The following NMNAT1 variants were observed in gnomAD, a reference collection of about 807,000 sequenced individuals.
NMNAT1 encodes nicotinamide nucleotide adenylyltransferase 1, also known as nicotinamide/nicotinic acid mononucleotide adenylyltransferase 1.
In NMNAT1, 11 loss-of-function variants were observed where a neutral mutation model predicts 16.7. The observed-to-expected ratio is 0.66, with a 90% CI of 0.41 to 1.09. The LOEUF (loss-of-function observed/expected upper bound fraction) is 1.09. Ranked by LOEUF, NMNAT1 falls within the 50% of genes least tolerant of loss-of-function variation. The pLI is 0.00. For missense variants in NMNAT1, 280 were observed against 332.3 expected, an observed-to-expected ratio of 0.84 and a Z score of 1.22; for synonymous variants, 110 against 119.8, an observed-to-expected ratio of 0.92 and a Z score of 0.53.
rs186148333 is a variant in NMNAT1, at chr1:9,956,928, C to T, written c.-57+13413C>T. Among the ~76,000 whole-genome samples the T allele has an allele frequency of 2.0e-5, 3 of 151,982 alleles. No homozygotes were observed. The East Asian group carries it at 5.8e-4, about 29-fold the overall frequency. On this transcript the variant is annotated intron_variant, in intron 1 of 4. Coordinates refer to ENST00000377205, the MANE Select transcript of NMNAT1 (RefSeq NM_022787.4). ...TGTATTTTTAGTTGAGATGGGGTTTCACCATGTTGGTCATGCTGGTCTCAA... is the reference window on the plus strand; with the variant it reads ...TGTATTTTTAGTTGAGATGGGGTTTTACCATGTTGGTCATGCTGGTCTCAA...
intron 1 of NMNAT1, among the ~76,000 whole-genome samples, chr1:9,959,679 C>T (rs1343231861): frequency 1.3e-5 from 2 of 151,878 alleles, no homozygotes; most frequent in African/African-American, 4.8e-5. Flanking sequence ...GACTCTGTCC[C>T]CCCACCAAAA....
At chr1:9,970,224 C>T (rs936867146) in intron 1 of NMNAT1, among the ~76,000 whole-genome samples, 1 of 151,844 alleles carries the variant, frequency 6.6e-6, no homozygotes, top group Non-Finnish European at 1.5e-5. Flanking sequence ...TAAGAAATGG[C>T]ATTATAAGCA....
At chr1:9,970,351 G>C (rs1641659072) in intron 1 of NMNAT1, among the ~76,000 whole-genome samples, 1 of 152,000 alleles carries the variant, frequency 6.6e-6, no homozygotes, top group Admixed American at 6.6e-5. Flanking sequence ...TTCATTAAGG[G>C]CCTTTTTTAC....
rs1297270653 is a variant in NMNAT1 at position 9,982,757 on chromosome 1, G to A, written c.*56G>A. The A allele has an allele frequency of 6.6e-7, 1 of 1,504,444 alleles. No homozygotes were observed. Among genetic ancestry groups the A allele is most frequent in the Non-Finnish European group, 8.9e-7 (1 of 1,118,502 alleles). The allele number at this position is 1,504,444 out of a possible 1,614,324, so 93.2% of individuals were successfully genotyped here. A position where few individuals can be genotyped will look rare whatever the true frequency, so the allele number is the denominator to read the frequency against. On this transcript the variant is annotated 3_prime_UTR_variant, in exon 5 of 5. Transcript: ENST00000377205. ...CATTTGGGGATCTGAAACAATCTGG[G>A]AGTTAATAACTGGGGAAAGAAGTTG...
chr1:9,991,001 A>G, the NMNAT1 span, among the ~76,000 whole-genome samples: 1 of 152,170 alleles, frequency 6.6e-6, no homozygotes, highest in Non-Finnish European at 1.5e-5. Context: ...CTGAAATTAA[A>G]TCCTGTCCAT....
In NMNAT1 at chr1:9,972,318, A is replaced by G; in HGVS notation, c.115+130A>G. 7 of 631,962 alleles carry G rather than the reference A, an allele frequency of 1.1e-5. No homozygotes were observed. The East Asian group carries it at 1.6e-4, about 14-fold the overall frequency. The allele number at this position is 631,962 out of a possible 1,614,324, so 39.1% of individuals were successfully genotyped here. On this transcript the variant is annotated intron_variant, in intron 2 of 4. Coordinates refer to ENST00000377205, the MANE Select transcript of NMNAT1 (RefSeq NM_022787.4). ...AAGGTCAAGAGATCGAGACCATCCT[A>G]GCCAACATGGTAAAACCCTGTCTCT... is the stretch of plus-strand genomic sequence containing the variant.
chr1:9,956,834 C>T (rs1030460130), intron 1 of NMNAT1, among the ~76,000 whole-genome samples: 3 of 150,580 alleles, frequency 2.0e-5, no homozygotes, highest in Non-Finnish European at 2.9e-5. Context: ...GAGGTTCAAG[C>T]GATTCTCCTG....
intron 3 of NMNAT1, among the ~76,000 whole-genome samples, chr1:9,979,895 C>T (rs966023553): frequency 2.0e-5 from 3 of 151,726 alleles, no homozygotes; most frequent in Non-Finnish European, 2.9e-5. Context: ...CCTTCCCTTA[C>T]GGAGATAATA....
chr1:9,963,678 A>T (rs1641477577), intron 1 of NMNAT1, among the ~76,000 whole-genome samples: 1 of 152,038 alleles, frequency 6.6e-6, no homozygotes, highest in Non-Finnish European at 1.5e-5. Context: ...AAGTGCTGGG[A>T]TTACAGGCGT....
At chr1:9,976,027 C>G (rs1015234692) in intron 3 of NMNAT1, among the ~76,000 whole-genome samples, 3 of 152,130 alleles carry the variant, frequency 2.0e-5, no homozygotes, top group Non-Finnish European at 2.9e-5. Context: ...TGGCTCACGC[C>G]TGTAATGCCA....
At chr1:9,950,129 C>T (rs567518953) in intron 1 of NMNAT1, among the ~76,000 whole-genome samples, 1 of 152,280 alleles carries the variant, frequency 6.6e-6, no homozygotes, top group Non-Finnish European at 1.5e-5. Flanking sequence ...CTCGCTCTGT[C>T]ACCCAGGCTG....
intron 1 of NMNAT1, among the ~76,000 whole-genome samples, chr1:9,968,231 C>T (rs1173120225): frequency 6.6e-6 from 1 of 151,440 alleles, no homozygotes; most frequent in African/African-American, 2.4e-5. Context: ...GCCACCACGC[C>T]TGGCTAATTT....
downstream of NMNAT1, among the ~76,000 whole-genome samples, chr1:9,986,532 G>A (rs976363120): frequency 6.6e-6 from 1 of 152,112 alleles, no homozygotes; most frequent in Non-Finnish European, 1.5e-5. Flanking sequence ...AGGAGTTCAA[G>A]AACAGCCCGC....
At chr1:9,952,126 A>G (rs1006524064) in intron 1 of NMNAT1, among the ~76,000 whole-genome samples, 1 of 151,770 alleles carries the variant, frequency 6.6e-6, no homozygotes, top group Non-Finnish European at 1.5e-5. Flanking sequence ...GTGAAACCCC[A>G]TCTCTACTAA....
At chr1:9,976,328 T>C (rs1570709919) in intron 3 of NMNAT1, among the ~76,000 whole-genome samples, 1 of 151,268 alleles carries the variant, frequency 6.6e-6, no homozygotes, top group East Asian at 1.9e-4. Context: ...CTTGCTACTA[T>C]GTGATACCAC....
At chr1:9,974,207 GTA>G (rs1641755788) in intron 2 of NMNAT1, among the ~76,000 whole-genome samples, 1 of 151,256 alleles carries the variant, frequency 6.6e-6, no homozygotes, top group African/African-American at 2.4e-5. Context: ...ACATTTGTGT[GTA>G]TACACAGATT....
intron 1 of NMNAT1, chr1:9,951,121 ATAT>A (rs1375287752): frequency 6.6e-6 from 1 of 151,966 alleles, no homozygotes; most frequent in Admixed American, 6.6e-5. Flanking sequence ...CTAGAGCTTA[ATAT>A]TCTCCTTGCA....
At chr1:9,993,698 G>A in the NMNAT1 span, among the ~76,000 whole-genome samples, 10 of 152,232 alleles carry the variant, frequency 6.6e-5, 1 homozygote, top group African/African-American at 2.4e-4. Context: ...AGAACCAAGA[G>A]GACTTGCTGA....
At chr1:9,988,499 G>A (rs1353708897), downstream of NMNAT1, among the ~76,000 whole-genome samples, 12 of 151,758 alleles carry the variant, frequency 7.9e-5, no homozygotes, top group African/African-American at 2.4e-4. Flanking sequence ...TCAGGAGTTC[G>A]ACACCAGCCT....
Sources: gnomAD v4.1 joint callset for allele counts (sites outside exome capture counted in the v4.1 genomes callset) on GRCh38, gnomAD v4.1.1 for gene constraint, MANE v1.5 for transcripts, NCBI Gene and HGNC (gene_info 2026-07-23, HGNC 2026-07-21) for gene names.